PLA2G4E: variants seen among roughly 807,000 people sequenced by gnomAD.
The protein encoded by PLA2G4E is phospholipase A2 group IVE.
PLA2G4E carries 84 observed loss-of-function variants against 109.1 expected under a neutral mutation model. That is an observed-to-expected ratio of 0.77 (90% confidence interval 0.65 to 0.92). The LOEUF (loss-of-function observed/expected upper bound fraction) is 0.92. Among genes scored for constraint, PLA2G4E ranks in the 40% least tolerant of loss-of-function variants. The pLI, the probability that PLA2G4E is intolerant of heterozygous loss-of-function variation, is 0.00. For missense variants in PLA2G4E, 1,057 were observed against 1,076.6 expected (o/e 0.98, Z 0.25); for synonymous variants, 469 against 436.1 (o/e 1.08, Z -0.94).
At position 41,992,799 on chromosome 15, in the gene PLA2G4E, C is replaced by T. The variant is rs752224649; in HGVS notation, c.1408G>A (p.Gly470Ser). 1.6e-5 allele frequency: 26 copies of T among 1,613,732 alleles called. No homozygotes were observed. Among genetic ancestry groups the T allele is most frequent in the Non-Finnish European group, 2.2e-5 (26 of 1,179,898 alleles). Residue 470 changes from glycine to serine, a missense_variant, in exon 13 of 20, where the codon GGC (glycine) becomes AGC (serine). Transcript: ENST00000399518. The stretch of plus-strand genomic sequence containing the variant: ...AAGTCTGTAAAGGTGACCCTGTAGC[C>T]TTCCTGGCTGCGCTGCCGGAGCTCC...
At chr15:42,045,938 C>T (rs563072895) in intron 1 of PLA2G4E, among the ~76,000 whole-genome samples, 4 of 146,218 alleles carry the variant, frequency 2.7e-5, no homozygotes, top group Non-Finnish European at 6.0e-5. Flanking sequence ...ACCCAGACCG[C>T]TCCACCCCAA....
At chr15:42,049,263 C>T (rs769642242) in intron 1 of PLA2G4E, among the ~76,000 whole-genome samples, 13 of 152,148 alleles carry the variant, frequency 8.5e-5, no homozygotes, top group African/African-American at 2.4e-4. Context: ...AGCAGAGGCC[C>T]GAGCCTCCAG....
At chr15:42,017,985 T>C (rs1020244333) in intron 1 of PLA2G4E, among the ~76,000 whole-genome samples, 3 of 152,060 alleles carry the variant, frequency 2.0e-5, no homozygotes, top group African/African-American at 4.8e-5. Context: ...GACAACCACA[T>C]TTTGCCAGCA....
At chr15:42,050,588 T>C (rs1473917685) in exon 1 of PLA2G4E, 1 of 1,550,602 alleles carries the variant, frequency 6.4e-7, no homozygotes, top group South Asian at 1.2e-5. Context: ...CTGTGTATCC[T>C]CGAACTCACT....
At chr15:42,002,278 A>AC (rs1484398409) in intron 6 of PLA2G4E, among the ~76,000 whole-genome samples, 1,630 of 150,278 alleles carry the variant, frequency 0.011, 63 homozygotes, top group African/African-American at 0.039. Context: ...AAAAAAAAAA[A>AC]AAAAAAAAAG....
chr15:42,027,146 G>A (rs1480145309), intron 1 of PLA2G4E, among the ~76,000 whole-genome samples: 5 of 152,146 alleles, frequency 3.3e-5, no homozygotes, highest in Non-Finnish European at 5.9e-5. Context: ...GACGCACGCA[G>A]AACAACATGA....
intron 5 of PLA2G4E, among the ~76,000 whole-genome samples, chr15:42,003,740 CCTT>C (rs1340772665): frequency 6.6e-6 from 1 of 152,254 alleles, no homozygotes; most frequent in South Asian, 2.1e-4. Context: ...CTGTCATCCT[CCTT>C]CTGTTCCCGG....
chr15:41,995,490 G>A (rs780892118), exon 12 of PLA2G4E: 1 of 1,613,774 alleles, frequency 6.2e-7, no homozygotes, highest in Admixed American at 1.7e-5. Context: ...ATGGCTATCA[G>A]CGGCACCTGG....
At chr15:42,001,245 A>C (rs1046305028) in intron 6 of PLA2G4E, 25 bp from the exon 7 acceptor site, 49 of 1,593,850 alleles carry the variant, frequency 3.1e-5, no homozygotes, top group Non-Finnish European at 4.0e-5. Flanking sequence ...GGAGGGTCAC[A>C]GAGTGTCTGA....
rs1324238751 is a variant in PLA2G4E at position 41,999,910 on chromosome 15, C to T, written c.936+7G>A. The T allele has an allele frequency of 6.2e-7, 1 of 1,605,932 alleles. No homozygotes were observed. The highest frequency in any genetic ancestry group is 8.5e-7 in the Non-Finnish European group (1 of 1,176,076). ...GTCAGGGGCCCTTCCCAGACTCAGG[C>T]ACTCACCACAGGCAGGGTCATCACC... On this transcript the variant is annotated splice_region_variant and intron_variant, in intron 9 of 19. Transcript: ENST00000399518.
rs1271770841 is a variant in PLA2G4E at position 41,989,562 on chromosome 15, A to G, written c.1586-10T>C. 1 of 1,611,328 alleles carries G rather than the reference A, an allele frequency of 6.2e-7. No individual in the cohort carries two copies. The highest frequency in any genetic ancestry group is 8.5e-7 in the Non-Finnish European group (1 of 1,178,142). ...GAGAACTCGAACCACTCTGCACATGAAGCAGCAGGACGGGGGTCAGTCTCA... is the reference window on the plus strand; with the variant it reads ...GAGAACTCGAACCACTCTGCACATGGAGCAGCAGGACGGGGGTCAGTCTCA... On this transcript the variant is annotated splice_polypyrimidine_tract_variant and intron_variant, in intron 14 of 19. Coordinates refer to ENST00000399518, the Ensembl canonical transcript of PLA2G4E.
intron 12 of PLA2G4E, 70 bp from the exon 13 acceptor site, chr15:41,993,029 G>T: frequency 7.2e-7 from 1 of 1,394,308 alleles, no homozygotes; most frequent in Non-Finnish European, 9.7e-7. Context: ...ACCCGGGCAG[G>T]AGGGAAGGTG....
At chr15:42,002,073 G>T (rs952091368) in intron 6 of PLA2G4E, among the ~76,000 whole-genome samples, 2 of 152,068 alleles carry the variant, frequency 1.3e-5, no homozygotes, top group Non-Finnish European at 2.9e-5. Context: ...ACTTTGGGAG[G>T]CTGAGGCTGG....
At chr15:42,021,676 A>T (rs1275194563) in intron 1 of PLA2G4E, among the ~76,000 whole-genome samples, 2 of 152,052 alleles carry the variant, frequency 1.3e-5, no homozygotes, top group Non-Finnish European at 2.9e-5. Flanking sequence ...TGGTCTCAGG[A>T]CAGCTTGGAG....
At chr15:42,001,512 A>C (rs1428979797) in intron 6 of PLA2G4E, among the ~76,000 whole-genome samples, 1 of 152,130 alleles carries the variant, frequency 6.6e-6, no homozygotes, top group Admixed American at 6.6e-5. Flanking sequence ...GACCTGAGGG[A>C]ATGTTCAGCT....
intron 1 of PLA2G4E, among the ~76,000 whole-genome samples, chr15:42,023,625 C>T (rs2068667743): frequency 6.6e-6 from 1 of 152,082 alleles, no homozygotes; most frequent in Admixed American, 6.5e-5. Flanking sequence ...CAGCACTATA[C>T]TGTCCTGAAA....
At chr15:42,019,619 G>A (rs186031308) in intron 1 of PLA2G4E, among the ~76,000 whole-genome samples, 5 of 152,190 alleles carry the variant, frequency 3.3e-5, no homozygotes, top group Admixed American at 1.3e-4. Flanking sequence ...GTCAGAGCTT[G>A]GACTAGCCAG....
intron 3 of PLA2G4E, among the ~76,000 whole-genome samples, chr15:42,006,678 G>T (rs530218772): frequency 6.6e-5 from 10 of 152,298 alleles, no homozygotes; most frequent in Admixed American, 1.3e-4. Flanking sequence ...TCCCAAAGCA[G>T]CTACCTTGTC....
chr15:42,038,899 A>G (rs1385492272), intron 1 of PLA2G4E, among the ~76,000 whole-genome samples: 1 of 152,188 alleles, frequency 6.6e-6, no homozygotes, highest in Non-Finnish European at 1.5e-5. Flanking sequence ...TTCCAATACT[A>G]TGTATGAGAA....
Sources: allele counts gnomAD v4.1 joint callset (sites outside exome capture counted in the v4.1 genomes callset), GRCh38; gene constraint gnomAD v4.1.1; transcripts MANE v1.5; gene names NCBI Gene and HGNC (gene_info 2026-07-23, HGNC 2026-07-21).